Variants in PAM observed in about 807,000 individuals in gnomAD.
The protein encoded by PAM is peptidyl-glycine alpha-amidating monooxygenase.
PAM carries 72 observed loss-of-function variants against 122.1 expected under a neutral mutation model. That is an observed-to-expected ratio of 0.59 (90% confidence interval 0.49 to 0.72). The LOEUF (loss-of-function observed/expected upper bound fraction) is 0.72. PAM is among the 30% of genes least tolerant of loss of function. The pLI is 0.00. For missense variants in PAM, 1,106 were observed against 1,183.7 expected (o/e 0.93, Z 0.96); for synonymous variants, 389 against 404.4 (o/e 0.96, Z 0.46).
Position 103,029,032 on chromosome 5 carries a change from A to T in PAM, c.2889A>T (p.Ala963=). The T allele has an allele frequency of 6.2e-7, 1 of 1,612,584 alleles. No individual in the cohort carries two copies. Among genetic ancestry groups the T allele is most frequent in the Non-Finnish European group, 8.5e-7 (1 of 1,179,496 alleles). The change falls in exon 26 of 26, where the codon GCA becomes GCT. Residue 963 remains alanine (A), a synonymous_variant. Coordinates refer to ENST00000438793, the MANE Select transcript of PAM (RefSeq NM_001177306.2). ...GTGAATCAGAAGAGGAGTATTCAGC[A>T]CCTCTGCCTGCGCTCGCACCTTCCT... ...DGSESEEEYS[A]PLPALAPSSS
chr5:102,848,179 C>G (rs556386668), intron 1 of PAM, among the ~76,000 whole-genome samples: 2 of 150,398 alleles, frequency 1.3e-5, no homozygotes, highest in East Asian at 1.9e-4. Flanking sequence ...TTTTTTTTCT[C>G]TAAGCAGAAG....
At chr5:102,935,182 G>A (rs1273493502) in intron 7 of PAM, among the ~76,000 whole-genome samples, 3 of 151,852 alleles carry the variant, frequency 2.0e-5, no homozygotes, top group Non-Finnish European at 4.4e-5. Context: ...TATTGCTTAT[G>A]TCTGCCAACT....
At chr5:102,816,285 T>C (rs918437795) in intron 1 of PAM, among the ~76,000 whole-genome samples, 12 of 152,142 alleles carry the variant, frequency 7.9e-5, no homozygotes, top group African/African-American at 2.9e-4. Flanking sequence ...ATTTTAATTC[T>C]TTGCCACAAA....
chr5:102,946,516 A>G (rs909552372), intron 7 of PAM, among the ~76,000 whole-genome samples: 1 of 150,104 alleles, frequency 6.7e-6, no homozygotes, highest in African/African-American at 2.5e-5. Flanking sequence ...GTTTTTCAAC[A>G]ATACAGATAA....
At chr5:102,817,972 GTCTTT>G (rs1454366164) in intron 1 of PAM, among the ~76,000 whole-genome samples, 2 of 127,082 alleles carry the variant, frequency 1.6e-5, no homozygotes. Context: ...CCTCTTTCAG[GTCTTT>G]TCTTTGTAAA....
At chr5:102,894,327 C>T (rs1305494941) in intron 3 of PAM, among the ~76,000 whole-genome samples, 1 of 151,660 alleles carries the variant, frequency 6.6e-6, no homozygotes, top group African/African-American at 2.4e-5. Flanking sequence ...GTATTATAGA[C>T]ATGCCTATAA....
chr5:102,866,498 G>T (rs1581115227), intron 2 of PAM: 1 of 556,464 alleles, frequency 1.8e-6, no homozygotes, highest in East Asian at 3.1e-5. Context: ...CCAATTAGAA[G>T]TTGTGATTTC....
At chr5:102,923,709 TCAC>T (rs1483928134) in intron 5 of PAM, among the ~76,000 whole-genome samples, 1 of 152,186 alleles carries the variant, frequency 6.6e-6, no homozygotes, top group Non-Finnish European at 1.5e-5. Flanking sequence ...CTTATGCACA[TCAC>T]CACAACAGCC....
At chr5:102,837,512 A>G (rs984820935) in intron 1 of PAM, among the ~76,000 whole-genome samples, 2 of 152,206 alleles carry the variant, frequency 1.3e-5, no homozygotes, top group Non-Finnish European at 2.9e-5. Flanking sequence ...GATAACTTCA[A>G]CCCACAAATA....
chr5:102,881,149 C>CACAA (rs1790913936), intron 3 of PAM, among the ~76,000 whole-genome samples: 1 of 151,528 alleles, frequency 6.6e-6, no homozygotes, highest in Non-Finnish European at 1.5e-5. Context: ...CACACACACA[C>CACAA]ACACACAGAG....
chr5:102,830,076 C>T (rs1774984204), intron 1 of PAM, among the ~76,000 whole-genome samples: 1 of 152,142 alleles, frequency 6.6e-6, no homozygotes, highest in Admixed American at 6.5e-5. Flanking sequence ...TCTGCCTGTA[C>T]TGGGGCTTAT....
intron 1 of PAM, among the ~76,000 whole-genome samples, chr5:102,847,708 C>T (rs1284851250): frequency 1.3e-5 from 2 of 152,182 alleles, no homozygotes; most frequent in East Asian, 1.9e-4. Flanking sequence ...AAGACTATTC[C>T]GGTGAGAGTA....
chr5:102,855,048 C>T (rs1447166340), intron 1 of PAM, among the ~76,000 whole-genome samples: 1 of 152,014 alleles, frequency 6.6e-6, no homozygotes, highest in Non-Finnish European at 1.5e-5. Context: ...AGCCTCTCTG[C>T]CCTAAAATAA....
intron 1 of PAM, among the ~76,000 whole-genome samples, chr5:102,861,605 T>G (rs1784213455): frequency 6.6e-6 from 1 of 152,176 alleles, no homozygotes; most frequent in African/African-American, 2.4e-5. Context: ...AAGACATTAT[T>G]GGGACAGTGG....
In PAM at chr5:103,005,218, C is replaced by T. The variant is rs376782807; in HGVS notation, c.1795C>T (p.Leu599Phe). 7.4e-7 allele frequency: 1 copy of T among 1,349,682 alleles called. No individual in the cohort carries two copies. The highest frequency in any genetic ancestry group is 1.1e-6 in the Non-Finnish European group (1 of 940,680). 83.6% of individuals were successfully genotyped at this position (1,349,682 alleles called of 1,614,324 possible). ...DGNYWVTDVA[L>F]HQVFKLDPNN... ...GAATTATTGGGTCACAGACGTGGCT[C>T]TCCATCAGGTAGTCTTCCTTTTGGT... Residue 599 changes from leucine (L) to phenylalanine (F), a missense_variant, in exon 18 of 26, where the codon CTC becomes TTC. Coordinates refer to ENST00000438793, the MANE Select transcript of PAM (RefSeq NM_001177306.2).
intron 1 of PAM, among the ~76,000 whole-genome samples, chr5:102,815,275 A>G (rs1193092909): frequency 6.6e-6 from 1 of 152,106 alleles, no homozygotes; most frequent in Non-Finnish European, 1.5e-5. Context: ...TAAAGATAGA[A>G]ACCAGGAGAA....
At chr5:102,821,181 G>A (rs1169830591) in intron 1 of PAM, among the ~76,000 whole-genome samples, 1 of 152,170 alleles carries the variant, frequency 6.6e-6, no homozygotes, top group East Asian at 1.9e-4. Flanking sequence ...AGATGGGAAG[G>A]GAGAAAGAAG....
intron 16 of PAM, among the ~76,000 whole-genome samples, chr5:102,996,411 T>C (rs1775717495): frequency 6.6e-6 from 1 of 152,226 alleles, no homozygotes; most frequent in African/African-American, 2.4e-5. Flanking sequence ...AGCAGTTTGC[T>C]ATAGCAACGG....
intron 16 of PAM, among the ~76,000 whole-genome samples, chr5:103,001,429 G>A (rs1777340942): frequency 6.6e-6 from 1 of 151,866 alleles, no homozygotes; most frequent in Non-Finnish European, 1.5e-5. Context: ...TATGAAATCT[G>A]TTTTGTTAAT....
Sources: gnomAD v4.1 joint callset for allele counts (sites outside exome capture counted in the v4.1 genomes callset) on GRCh38, gnomAD v4.1.1 for gene constraint, MANE v1.5 for transcripts, NCBI Gene and HGNC (gene_info 2026-07-23, HGNC 2026-07-21) for gene names.